The following SPAG16 variants were observed in gnomAD, a reference collection of about 807,000 sequenced individuals.
SPAG16 encodes the protein sperm associated antigen 16.
In SPAG16, 86 loss-of-function variants were observed where a neutral mutation model predicts 80.4. That is an observed-to-expected ratio of 1.07 (90% CI 0.90 to 1.28). SPAG16 has a LOEUF of 1.28. Ranked by LOEUF, SPAG16 falls within the 50% of genes most tolerant of loss-of-function variation. The probability of loss-of-function intolerance (pLI) is 0.00; values close to 1 mark genes in which losing one functional copy is unlikely to be tolerated. For synonymous variants in SPAG16, 294 were observed against 265.9 expected (o/e 1.11, Z -1.03); for missense variants, 870 against 765.3 (o/e 1.14, Z -1.61).
chr2:213,304,462 C>T (rs916503572), intron 3 of SPAG16, among the ~76,000 whole-genome samples: 3 of 152,048 alleles, frequency 2.0e-5, no homozygotes, highest in African/African-American at 7.2e-5. Flanking sequence ...GACCAGTGTC[C>T]TGAAGAGTTT....
chr2:213,406,859 G>C (rs369978670), intron 9 of SPAG16, among the ~76,000 whole-genome samples: 2 of 150,916 alleles, frequency 1.3e-5, no homozygotes, highest in Non-Finnish European at 2.9e-5. Flanking sequence ...CCCAGCCCTA[G>C]TGTGGTGGCC....
At chr2:214,131,746 C>T (rs2054794701) in intron 14 of SPAG16, among the ~76,000 whole-genome samples, 1 of 152,126 alleles carries the variant, frequency 6.6e-6, no homozygotes, top group Non-Finnish European at 1.5e-5. Flanking sequence ...ATGTGACATT[C>T]TGGAAAAGGC....
At chr2:214,358,861 C>T (rs917255385) in intron 15 of SPAG16, among the ~76,000 whole-genome samples, 2 of 151,900 alleles carry the variant, frequency 1.3e-5, no homozygotes, top group African/African-American at 2.4e-5. Flanking sequence ...TTGTCATATA[C>T]ATTGTTATTT....
intron 15 of SPAG16, among the ~76,000 whole-genome samples, chr2:214,197,667 G>A (rs2057882213): frequency 6.6e-6 from 1 of 151,798 alleles, no homozygotes; most frequent in South Asian, 2.1e-4. Flanking sequence ...TCTTTTAGAG[G>A]TATTTTCTCA....
intron 9 of SPAG16, chr2:213,396,708 G>A (rs1023673069): frequency 3.1e-5 from 14 of 449,042 alleles, no homozygotes; most frequent in Middle Eastern, 3.3e-4. Flanking sequence ...CCCATCTTCA[G>A]GACATTTGTC....
chr2:214,072,094 C>T (rs1057055477), intron 13 of SPAG16, among the ~76,000 whole-genome samples: 8 of 151,956 alleles, frequency 5.3e-5, no homozygotes, highest in Admixed American at 6.6e-5. Flanking sequence ...TTTCTTGCTG[C>T]ACTTTTCTAA....
intron 13 of SPAG16, among the ~76,000 whole-genome samples, chr2:214,093,000 G>C (rs1186629538): frequency 6.6e-6 from 1 of 152,074 alleles, no homozygotes; most frequent in Non-Finnish European, 1.5e-5. Flanking sequence ...CCTCTTCAGA[G>C]ACACTAACAG....
intron 12 of SPAG16, among the ~76,000 whole-genome samples, chr2:213,949,281 G>A (rs1012529535): frequency 1.4e-5 from 2 of 142,688 alleles, no homozygotes; most frequent in East Asian, 2.1e-4. Context: ...AGCGATTCTC[G>A]TGCCTCAGCC....
At position 213,748,471 on chromosome 2, in the gene SPAG16, AT is replaced by A. The variant is rs376805073; in HGVS notation, c.1071-114013del. Among the ~76,000 whole-genome samples, 235 of 152,158 alleles carry A rather than the reference AT, an allele frequency of 1.5e-3. 5 individuals are homozygous for A. The highest frequency in any genetic ancestry group is 0.011 in the South Asian group (52 of 4,820). ...TCTCTTTTTATTAAGTTGAAAAAAA[AT>A]GAAGAAATAATTAATAAGTTTTATT... On this transcript the variant is annotated intron_variant, in intron 10 of 15. Transcript: ENST00000331683.
At chr2:213,643,947 A>G (rs757592711) in intron 10 of SPAG16, among the ~76,000 whole-genome samples, 1 of 150,850 alleles carries the variant, frequency 6.6e-6, no homozygotes, top group Non-Finnish European at 1.5e-5. Flanking sequence ...TGCCTGGCTA[A>G]TTTTTGTATT....
At position 214,379,319 on chromosome 2, in the gene SPAG16, A is replaced by ATTAT. The variant is rs1215608417; in HGVS notation, c.1721-30818_1721-30815dup. 2.0e-5 allele frequency among the ~76,000 whole-genome samples: 3 copies of ATTAT among 152,230 alleles called. No individual in the cohort carries two copies. The East Asian group carries it at 5.8e-4, about 29-fold the overall frequency. On this transcript the variant is annotated intron_variant, in intron 15 of 15. Coordinates refer to ENST00000331683, the MANE Select transcript of SPAG16 (RefSeq NM_024532.5). ...TCATTTAATCTCCAACTTCCAATGA[A>ATTAT]TTATTTTCTCTAATATTACAGAAGA...
At chr2:214,036,751 A>T (rs1342578596) in intron 13 of SPAG16, among the ~76,000 whole-genome samples, 1 of 152,210 alleles carries the variant, frequency 6.6e-6, no homozygotes, top group Non-Finnish European at 1.5e-5. Flanking sequence ...TCTAAGAAAG[A>T]GGCCTACTCA....
At chr2:214,320,910 AAATT>A (rs1280198700) in intron 15 of SPAG16, among the ~76,000 whole-genome samples, 4 of 152,362 alleles carry the variant, frequency 2.6e-5, no homozygotes, top group South Asian at 2.1e-4. Context: ...AAACACTACG[AAATT>A]AATTAATGAA....
intron 10 of SPAG16, among the ~76,000 whole-genome samples, chr2:213,749,196 AC>A (rs1168332488): frequency 4.0e-5 from 6 of 151,694 alleles, no homozygotes; most frequent in African/African-American, 9.7e-5. Context: ...ACTCAGAAAA[AC>A]TTTATTTGCT....
chr2:214,264,248 T>C lies in SPAG16; in HGVS notation c.1720+114982T>C, dbSNP rs558320248. On this transcript the variant is annotated intron_variant, in intron 15 of 15. Transcript: ENST00000331683. ...TAAGACCAAGAATATTTTTCCAGTG[T>C]ACCTTATATAAATTAAAACCATCTC... Among the ~76,000 whole-genome samples, 13 of 152,288 alleles carry C rather than the reference T, an allele frequency of 8.5e-5. No homozygotes were observed. The East Asian group carries it at 2.3e-3, about 27-fold the overall frequency.
At chr2:213,524,472 T>C (rs963010578) in intron 10 of SPAG16, among the ~76,000 whole-genome samples, 2 of 152,104 alleles carry the variant, frequency 1.3e-5, no homozygotes, top group Non-Finnish European at 2.9e-5. Flanking sequence ...CACTGACAGT[T>C]TTCCCTGTGT....
rs1417913640 is a variant in SPAG16, at chr2:213,804,883, C to A, written c.1071-57602C>A. Among the ~76,000 whole-genome samples, 3 of 152,142 alleles carry A rather than the reference C, an allele frequency of 2.0e-5. No individual in the cohort carries two copies. The South Asian group carries it at 6.2e-4, about 31-fold the overall frequency. The stretch of plus-strand genomic sequence containing the variant: ...TAGGATGCTGGAGGCCAATTCACGT[C>A]GTGCCTCTTAAGCCAAACTAAGAAG... On this transcript the variant is annotated intron_variant, in intron 10 of 15. Coordinates refer to ENST00000331683, the MANE Select transcript of SPAG16 (RefSeq NM_024532.5).
chr2:214,398,748 C>T (rs1257729883), intron 15 of SPAG16, among the ~76,000 whole-genome samples: 1 of 152,182 alleles, frequency 6.6e-6, no homozygotes, highest in East Asian at 1.9e-4. Context: ...GTTCATGTAG[C>T]AGCCAAATTA....
chr2:213,950,898 A>G (rs753062125), intron 12 of SPAG16, among the ~76,000 whole-genome samples: 1 of 151,510 alleles, frequency 6.6e-6, no homozygotes, highest in Non-Finnish European at 1.5e-5. Flanking sequence ...TTGAAGGTAG[A>G]GACAGTGTCT....
Sources: gnomAD v4.1 joint callset for allele counts (sites outside exome capture counted in the v4.1 genomes callset) on GRCh38, gnomAD v4.1.1 for gene constraint, MANE v1.5 for transcripts, NCBI Gene and HGNC (gene_info 2026-07-23, HGNC 2026-07-21) for gene names.